The following FAM81A variants were observed in gnomAD, a reference collection of about 807,000 sequenced individuals.
The protein encoded by FAM81A is family with sequence similarity 81 member A.
In FAM81A, 19 loss-of-function variants were observed where a neutral mutation model predicts 46.7. That is an observed-to-expected ratio of 0.41 (90% CI 0.28 to 0.60). The LOEUF is 0.60. Ranked by LOEUF, FAM81A falls within the 20% of genes least tolerant of loss-of-function variation. The pLI, the probability that FAM81A is intolerant of heterozygous loss-of-function variation, is 0.34. For synonymous variants in FAM81A, 183 were observed against 152.9 expected, an observed-to-expected ratio of 1.20 and a Z score of -1.45; for missense variants, 377 against 453.5, an observed-to-expected ratio of 0.83 and a Z score of 1.53.
chr15:59,469,971 A>G (rs1277782417), intron 3 of FAM81A, among the ~76,000 whole-genome samples: 1 of 151,742 alleles, frequency 6.6e-6, no homozygotes, highest in African/African-American at 2.4e-5. Flanking sequence ...TCCTTCCCTT[A>G]TGAAGCTGGA....
intron 1 of FAM81A, among the ~76,000 whole-genome samples, chr15:59,398,788 A>AG (rs2081058053): frequency 2.7e-5 from 4 of 148,302 alleles, no homozygotes; most frequent in Non-Finnish European, 4.5e-5. Flanking sequence ...AAAAAAAAAA[A>AG]GGAAATGAAT....
intron 6 of FAM81A, among the ~76,000 whole-genome samples, chr15:59,513,744 A>T (rs979524527): frequency 1.3e-5 from 2 of 152,204 alleles, no homozygotes; most frequent in Non-Finnish European, 2.9e-5. Flanking sequence ...CCAAAGGAAT[A>T]TACATCATTC....
chr15:59,482,042 G>A (rs988453439), intron 3 of FAM81A, among the ~76,000 whole-genome samples: 1 of 151,930 alleles, frequency 6.6e-6, no homozygotes. Flanking sequence ...CCACACATGC[G>A]CAGCCTCTCC....
At chr15:59,506,870 G>A (rs545265349) in intron 4 of FAM81A, among the ~76,000 whole-genome samples, 4 of 152,320 alleles carry the variant, frequency 2.6e-5, no homozygotes, top group African/African-American at 7.2e-5. Context: ...CCCCAACTTC[G>A]AAAGGCAGGG....
intron 3 of FAM81A, among the ~76,000 whole-genome samples, chr15:59,479,664 G>GTTCT (rs1489516040): frequency 1.8e-4 from 28 of 152,142 alleles, no homozygotes; most frequent in African/African-American, 6.7e-4. Context: ...AGCGAGGGCA[G>GTTCT]TTCAAGTTCC....
chr15:59,414,281 T>G (rs1182856229), intron 2 of FAM81A, among the ~76,000 whole-genome samples: 2 of 152,108 alleles, frequency 1.3e-5, no homozygotes, highest in African/African-American at 4.8e-5. Context: ...AACTAGTGAA[T>G]ATGCTACTGT....
Position 59,499,391 on chromosome 15 carries a change from A to G in FAM81A, c.413+7002A>G, listed in dbSNP as rs114074895. 8.2e-3 allele frequency among the ~76,000 whole-genome samples: 1,250 copies of G among 152,316 alleles called. 17 individuals are homozygous for G. The highest frequency in any genetic ancestry group is 0.028 in the African/African-American group (1,159 of 41,568). ...ATTGTTCTATGTATGTAACAATACA[A>G]TTGTATGCATATTATTTTAAACAAT... On this transcript the variant is annotated intron_variant, in intron 4 of 8. Coordinates refer to ENST00000288228, the MANE Select transcript of FAM81A (RefSeq NM_152450.3).
chr15:59,415,465 C>T (rs1237586983), intron 2 of FAM81A, among the ~76,000 whole-genome samples: 2 of 152,122 alleles, frequency 1.3e-5, no homozygotes, highest in South Asian at 4.1e-4. Flanking sequence ...TGGGGCCAAT[C>T]TAATCATGAG....
chr15:59,405,767 A>G (rs2081091556), intron 2 of FAM81A, among the ~76,000 whole-genome samples: 1 of 152,220 alleles, frequency 6.6e-6, no homozygotes, highest in Non-Finnish European at 1.5e-5. Context: ...CCTTGGGCCC[A>G]TCCCTCTTTC....
In FAM81A at chr15:59,460,855, A is replaced by G. The variant is rs987543420; in HGVS notation, c.294+649A>G. Among the ~76,000 whole-genome samples the G allele has an allele frequency of 4.6e-5, 7 of 152,210 alleles. No individual in the cohort carries two copies. Among genetic ancestry groups the G allele is most frequent in the Non-Finnish European group, 1.0e-4 (7 of 68,030 alleles). On this transcript the variant is annotated intron_variant, in intron 3 of 8. Transcript: ENST00000288228. This position sits in a 1 kb window ranked among gnomAD's most constrained non-coding sequence, Gnocchi z 4.4. The stretch of plus-strand genomic sequence containing the variant: ...ACTACGCAATGTTCATATCTTTCAC[A>G]TGTAATGACTGAATATATGAATACT...
intron 1 of FAM81A, among the ~76,000 whole-genome samples, chr15:59,453,308 T>C (rs2081441491): frequency 6.6e-6 from 1 of 152,214 alleles, no homozygotes. Flanking sequence ...GCTGAACATT[T>C]CTAAGTCTCT....
At chr15:59,402,143 T>C in intron 1 of FAM81A, 1 of 315,136 alleles carries the variant, frequency 3.2e-6, no homozygotes, top group East Asian at 7.7e-5. Flanking sequence ...TATTGCTTTA[T>C]ACTGCTATAA....
chr15:59,457,395 C>A (rs1295052996), intron 1 of FAM81A, among the ~76,000 whole-genome samples: 1 of 152,152 alleles, frequency 6.6e-6, no homozygotes, highest in African/African-American at 2.4e-5. Context: ...GACCAAGTAA[C>A]CCTTATTTTA....
chr15:59,509,914 A>G (rs1033680924), intron 6 of FAM81A, among the ~76,000 whole-genome samples: 2 of 152,168 alleles, frequency 1.3e-5, no homozygotes, highest in East Asian at 3.9e-4. Flanking sequence ...TTGTGACAGC[A>G]ATAGACACAA....
chr15:59,513,505 A>C (rs541081348), intron 6 of FAM81A, among the ~76,000 whole-genome samples: 118 of 152,364 alleles, frequency 7.7e-4, no homozygotes, highest in African/African-American at 2.4e-3. Flanking sequence ...TAGGAAGCAC[A>C]ATCAGATGGT....
At chr15:59,494,232 C>G (rs1474430412) in intron 4 of FAM81A, among the ~76,000 whole-genome samples, 4 of 152,220 alleles carry the variant, frequency 2.6e-5, no homozygotes, top group Non-Finnish European at 1.5e-5. Context: ...GAAATCCCAG[C>G]TCTGTGATAC....
chr15:59,506,341 A>C (rs1265330625), intron 4 of FAM81A, among the ~76,000 whole-genome samples: 2 of 152,124 alleles, frequency 1.3e-5, no homozygotes, highest in African/African-American at 4.8e-5. Flanking sequence ...TTGGTGCAGT[A>C]GCAGGAATAG....
At chr15:59,461,969 C>T (rs139930129) in intron 3 of FAM81A, among the ~76,000 whole-genome samples, 180 of 152,088 alleles carry the variant, frequency 1.2e-3, no homozygotes, top group African/African-American at 3.7e-3. Context: ...TTAAGGAGGC[C>T]GAGGCAGGTG....
At chr15:59,517,973 CT>C (rs540628428) in intron 8 of FAM81A, among the ~76,000 whole-genome samples, 224 of 143,250 alleles carry the variant, frequency 1.6e-3, no homozygotes, top group Admixed American at 1.7e-3. Context: ...TTCTTTCTTC[CT>C]TTTTTTTTTT....
Sources: gnomAD v4.1 joint callset for allele counts (sites outside exome capture counted in the v4.1 genomes callset) on GRCh38, gnomAD v4.1.1 for gene constraint, Gnocchi (gnomAD v3.1) non-coding constraint, MANE v1.5 for transcripts, NCBI Gene and HGNC (gene_info 2026-07-23, HGNC 2026-07-21) for gene names.